ZNF208: variants seen among roughly 807,000 people sequenced by gnomAD.
ZNF208 encodes zinc finger protein 208, also known as zinc finger protein 95.
In ZNF208, 10 loss-of-function variants were observed where a neutral mutation model predicts 12.1. The ratio of observed to expected loss-of-function variants is 0.83; its 90% confidence interval spans 0.51 to 1.40. The LOEUF (loss-of-function observed/expected upper bound fraction) is 1.40, where lower values mean the gene tolerates loss of function less well. Among genes scored for constraint, ZNF208 ranks in the 40% most tolerant of loss-of-function variants. The probability of loss-of-function intolerance (pLI) is 0.00; values close to 1 mark genes in which losing one functional copy is unlikely to be tolerated. For synonymous variants in ZNF208, 497 were observed against 488.4 expected, an observed-to-expected ratio of 1.02 and a Z score of -0.23; for missense variants, 1,652 against 1,485.0, an observed-to-expected ratio of 1.11 and a Z score of -1.85.
At chr19:22,006,140 G>GT (rs1971040448) in intron 1 of ZNF208, among the ~76,000 whole-genome samples, 5 of 152,162 alleles carry the variant, frequency 3.3e-5, no homozygotes, top group Admixed American at 6.5e-5. Flanking sequence ...TGCTACTGCA[G>GT]ATTCAGTGTC....
chr19:22,001,557 G>A (rs542271442), intron 1 of ZNF208, among the ~76,000 whole-genome samples: 2 of 151,996 alleles, frequency 1.3e-5, no homozygotes, highest in Admixed American at 6.6e-5. Context: ...ACAAAAAAAG[G>A]CAACTTCAGG....
intron 1 of ZNF208, 107 bp downstream of exon 1, chr19:22,010,685 A>T (rs1479907789): frequency 6.4e-7 from 1 of 1,557,132 alleles, no homozygotes; most frequent in Non-Finnish European, 8.9e-7. Flanking sequence ...CTCGGGGCAC[A>T]GATGTGGAGC....
At chr19:21,980,601 A>G (rs532295561) in intron 3 of ZNF208, among the ~76,000 whole-genome samples, 3 of 152,338 alleles carry the variant, frequency 2.0e-5, no homozygotes, top group Non-Finnish European at 2.9e-5. Flanking sequence ...CTAAATGCCC[A>G]CAAAAGAAAG....
chr19:21,982,357 CAAA>C (rs34234040), intron 3 of ZNF208, among the ~76,000 whole-genome samples: 10 of 107,368 alleles, frequency 9.3e-5, no homozygotes, highest in Non-Finnish European at 9.1e-5. Context: ...GACTCCATCT[CAAA>C]AAAAAAAAAA....
At chr19:21,964,408 C>A (rs1238574016), downstream of ZNF208, among the ~76,000 whole-genome samples, 5 of 151,520 alleles carry the variant, frequency 3.3e-5, no homozygotes, top group Non-Finnish European at 7.4e-5. Context: ...GTAAAATTCT[C>A]TCTAAATTTT....
In ZNF208 at chr19:21,986,946, G is replaced by T. The variant is rs1398658406; in HGVS notation, c.226+270C>A. 4 of 425,780 alleles carry T rather than the reference G, an allele frequency of 9.4e-6. No individual in the cohort carries two copies. In the South Asian group the frequency reaches 2.5e-4, roughly 26 times the overall value. 26.4% of individuals were successfully genotyped at this position (425,780 alleles called of 1,614,324 possible). ...ACAAAAACAAACAAACAAAAAGATT[G>T]TGCACTCTCTTGTATGCCATGAACA... On this transcript the variant is annotated intron_variant, in intron 3 of 3. Coordinates refer to ENST00000397126, the MANE Select transcript of ZNF208 (RefSeq NM_007153.3).
downstream of ZNF208, among the ~76,000 whole-genome samples, chr19:21,961,230 C>T (rs1970062571): frequency 6.6e-6 from 1 of 152,130 alleles, no homozygotes; most frequent in South Asian, 2.1e-4. Flanking sequence ...GGGGTGACAT[C>T]ACATGTCGGT....
downstream of ZNF208, among the ~76,000 whole-genome samples, chr19:21,963,850 T>C (rs1327239118): frequency 6.6e-6 from 1 of 151,976 alleles, no homozygotes; most frequent in African/African-American, 2.4e-5. Context: ...AGAATGGATA[T>C]AAACTTTATG....
chr19:21,965,096 A>C (rs903449995), downstream of ZNF208, among the ~76,000 whole-genome samples: 35 of 152,042 alleles, frequency 2.3e-4, no homozygotes, highest in African/African-American at 8.2e-4. Context: ...CCAGTAAATC[A>C]AATGAGGCAA....
intron 1 of ZNF208, among the ~76,000 whole-genome samples, chr19:22,008,937 G>T (rs577140428): frequency 2.0e-5 from 3 of 152,196 alleles, no homozygotes; most frequent in South Asian, 4.2e-4. Flanking sequence ...TTCACTAGAC[G>T]CTCTCGCAGA....
chr19:21,981,713 A>G (rs62112863), intron 3 of ZNF208, among the ~76,000 whole-genome samples: 22,366 of 152,156 alleles, frequency 0.15, 1,792 homozygotes, highest in Middle Eastern at 0.19. Context: ...GGTGAGGGCA[A>G]TCAGGCAAGA....
At chr19:21,956,423 C>G (rs1969978335) in intron 4 of ZNF208, among the ~76,000 whole-genome samples, 1 of 152,200 alleles carries the variant, frequency 6.6e-6, no homozygotes, top group Admixed American at 6.5e-5. Context: ...TCAGCTATGC[C>G]CTGCCCCTAG....
intron 1 of ZNF208, among the ~76,000 whole-genome samples, 180 bp from the exon 2 acceptor site, chr19:21,989,089 T>C (rs1307928312): frequency 6.6e-6 from 1 of 151,886 alleles, no homozygotes; most frequent in Non-Finnish European, 1.5e-5. Context: ...TTTTTTCTTT[T>C]TTTAATTATT....
At position 21,973,194 on chromosome 19, in the gene ZNF208, A is replaced by G. The variant is rs1970343772; in HGVS notation, c.1840T>C (p.Cys614Arg). 1 of 1,613,508 alleles carries G rather than the reference A, an allele frequency of 6.2e-7. No homozygotes were observed. Among genetic ancestry groups the G allele is most frequent in the Non-Finnish European group, 8.5e-7 (1 of 1,179,896 alleles). The change falls in exon 4 of 4, where the codon TGT (cysteine) becomes CGT (arginine). Residue 614 changes from cysteine (C) to arginine (R), a missense_variant. Transcript: ENST00000397126. ...TGEKPYKCEE[C>R]GKTFSKVSTL... ...GAGACCTTACTAAAGGTTTTGCCACATTCTTCACATTTGTAGGGTTTCTCA... is the reference window on the plus strand; with the variant it reads ...GAGACCTTACTAAAGGTTTTGCCACGTTCTTCACATTTGTAGGGTTTCTCA...
downstream of ZNF208, among the ~76,000 whole-genome samples, chr19:21,964,571 C>T (rs565378626): frequency 9.2e-5 from 14 of 151,770 alleles, no homozygotes; most frequent in African/African-American, 2.9e-4. Context: ...ACAGACACTC[C>T]GCATTTAACC....
At position 21,969,795 on chromosome 19, in the gene ZNF208, CAG is replaced by C. The variant is rs1970245987; in HGVS notation, c.*1394_*1395del. Among the ~76,000 whole-genome samples the C allele has an allele frequency of 2.0e-5, 3 of 152,206 alleles. No individual in the cohort carries two copies. The South Asian group carries it at 6.2e-4, about 32-fold the overall frequency. On this transcript the variant is annotated 3_prime_UTR_variant, in exon 4 of 4. Transcript: ENST00000397126. ...AAATAAATATTCTTCTGTACTTTAACAGCTTTTATTTTCTGAAAGATCTAGTG... is the reference window on the plus strand; with the variant it reads ...AAATAAATATTCTTCTGTACTTTAACCTTTTATTTTCTGAAAGATCTAGTG...
rs755478490 is a variant in ZNF208 at position 21,972,378 on chromosome 19, C to A, written c.2656G>T (p.Glu886Ter). 1 of 1,612,498 alleles carries A rather than the reference C, an allele frequency of 6.2e-7. No homozygotes were observed. The highest frequency in any genetic ancestry group is 1.3e-5 in the African/African-American group (1 of 74,854). Residue 886 changes from glutamate to a stop codon, truncating the protein, a stop_gained, in exon 4 of 4, where the codon GAG becomes TAG. Transcript: ENST00000397126. LOFTEE classifies it low-confidence loss of function (END_TRUNC). ...LSYHKKIHTG[E>*]KPYKCEECGK... ...CATTCTTCACATTTGTAGGGTTTCT[C>A]TCCAGTATGAATTTTCTTATGATAA...
chr19:21,999,496 A>T (rs1476513221), intron 1 of ZNF208, among the ~76,000 whole-genome samples: 3 of 152,198 alleles, frequency 2.0e-5, no homozygotes, highest in African/African-American at 4.8e-5. Flanking sequence ...TATGTCAGCC[A>T]GCAAATAATC....
chr19:21,984,942 T>C (rs1179058066), intron 3 of ZNF208, among the ~76,000 whole-genome samples: 1 of 152,182 alleles, frequency 6.6e-6, no homozygotes, highest in Non-Finnish European at 1.5e-5. Context: ...TGTATAGTCA[T>C]ATGAGGAGTC....
Sources: gnomAD v4.1 joint callset for allele counts (sites outside exome capture counted in the v4.1 genomes callset) on GRCh38, gnomAD v4.1.1 for gene constraint, MANE v1.5 for transcripts, NCBI Gene and HGNC (gene_info 2026-07-23, HGNC 2026-07-21) for gene names.